NRG1: variants seen among roughly 807,000 people sequenced by gnomAD.
The protein encoded by NRG1 is pro-neuregulin-1, membrane-bound isoform.
In NRG1, 18 loss-of-function variants were observed where a neutral mutation model predicts 63.8. The ratio of observed to expected loss-of-function variants is 0.28; its 90% CI spans 0.19 to 0.42. The LOEUF is 0.42. Ranked by LOEUF, NRG1 falls within the 10% of genes least tolerant of loss-of-function variation. The pLI, the probability that NRG1 is intolerant of heterozygous loss-of-function variation, is 1.00. For synonymous variants in NRG1, 302 were observed against 301.3 expected (o/e 1.00, Z -0.02); for missense variants, 762 against 814.7 (o/e 0.94, Z 0.79).
intron 1 of NRG1, among the ~76,000 whole-genome samples, chr8:31,734,039 C>T (rs531002072): frequency 6.6e-6 from 1 of 152,058 alleles, no homozygotes; most frequent in Non-Finnish European, 1.5e-5. Flanking sequence ...TGTGCCTTAC[C>T]ATCTTTTTAA....
At chr8:32,042,227 T>A (rs1363579233) in intron 1 of NRG1, among the ~76,000 whole-genome samples, 1 of 152,070 alleles carries the variant, frequency 6.6e-6, no homozygotes, top group Admixed American at 6.6e-5. Flanking sequence ...AGAGAATTGC[T>A]TGCGGCCAGG....
At chr8:32,596,101 A>G (rs2129537345) in intron 2 of NRG1, 96 bp downstream of exon 2, 1 of 965,130 alleles carries the variant, frequency 1.0e-6, no homozygotes, top group Non-Finnish European at 1.5e-6. Flanking sequence ...ACTATCAGAA[A>G]CATAATAGAT....
intron 1 of NRG1, among the ~76,000 whole-genome samples, chr8:31,986,800 G>A (rs754270647): frequency 6.6e-6 from 1 of 152,058 alleles, no homozygotes; most frequent in East Asian, 1.9e-4. Flanking sequence ...GTATGCTTCT[G>A]TTATGTTGAG....
rs537083230 is a variant in NRG1 at position 31,940,052 on chromosome 8, T to C, written c.37+300621T>C. Among the ~76,000 whole-genome samples the C allele has an allele frequency of 7.2e-5, 11 of 152,062 alleles. No homozygotes were observed. In the South Asian group the frequency reaches 1.9e-3, roughly 26 times the overall value. On this transcript the variant is annotated intron_variant, in intron 1 of 10. Coordinates refer to the NRG1 transcript ENST00000519301. Reference sequence around the variant, plus strand: ...AAACTCTAGCCTGCAACAAATGAACTTAACAGATATTTATAGAACATTCTA... The same window carrying C: ...AAACTCTAGCCTGCAACAAATGAACCTAACAGATATTTATAGAACATTCTA...
chr8:31,921,522 C>G (rs1833918624), intron 1 of NRG1, among the ~76,000 whole-genome samples: 1 of 151,962 alleles, frequency 6.6e-6, no homozygotes. Context: ...TATTTTACAT[C>G]TGGCAACAGG....
chr8:32,670,398 T>A (rs566609223), intron 5 of NRG1, among the ~76,000 whole-genome samples: 11 of 152,264 alleles, frequency 7.2e-5, no homozygotes, highest in African/African-American at 2.4e-4. Flanking sequence ...CTCTTCTTCA[T>A]TGAGTTTTCC....
intron 1 of NRG1, among the ~76,000 whole-genome samples, chr8:32,559,870 C>A (rs868391570): frequency 3.1e-4 from 46 of 148,326 alleles, no homozygotes; most frequent in African/African-American, 1.0e-3. Context: ...AAAAGAAAAA[C>A]CATTAGCCAG....
At chr8:31,743,126 T>C (rs989887164) in intron 1 of NRG1, among the ~76,000 whole-genome samples, 5 of 151,984 alleles carry the variant, frequency 3.3e-5, no homozygotes, top group African/African-American at 1.2e-4. Context: ...TCTCCATCCA[T>C]TGTAAATGTG....
At chr8:31,733,101 G>A (rs1814269403) in intron 1 of NRG1, among the ~76,000 whole-genome samples, 1 of 151,124 alleles carries the variant, frequency 6.6e-6, no homozygotes, top group African/African-American at 2.4e-5. Context: ...TTAAGACAAT[G>A]GCCTCCAGTT....
intron 1 of NRG1, among the ~76,000 whole-genome samples, chr8:31,855,042 A>G (rs1467853060): frequency 6.6e-6 from 1 of 152,100 alleles, no homozygotes; most frequent in Non-Finnish European, 1.5e-5. Context: ...GTATGTGGTC[A>G]ATTTTGGAAT....
chr8:32,014,607 G>C (rs1489562699), intron 1 of NRG1, among the ~76,000 whole-genome samples: 1 of 151,884 alleles, frequency 6.6e-6, no homozygotes, highest in African/African-American at 2.4e-5. Context: ...TTGTGCATTG[G>C]ATTAGGAAAA....
rs199950277 is a variant in NRG1, at chr8:32,614,464, C to T, written c.401-50C>T. 158 of 1,586,380 alleles carry T rather than the reference C, an allele frequency of 1.0e-4. No homozygotes were observed. The South Asian group carries it at 1.6e-3, about 16-fold the overall frequency. Reference sequence around the variant, plus strand: ...TCCAAGGCAGGCTGTGGTACCTGCTCCCGGCCTCCTGTTTATATATCATAA... The same window carrying T: ...TCCAAGGCAGGCTGTGGTACCTGCTTCCGGCCTCCTGTTTATATATCATAA... On this transcript the variant is annotated intron_variant, in intron 3 of 11. Coordinates refer to ENST00000356819, the Ensembl canonical transcript of NRG1.
At chr8:32,258,428 T>A (rs1157560762) in intron 1 of NRG1, among the ~76,000 whole-genome samples, 1 of 152,206 alleles carries the variant, frequency 6.6e-6, no homozygotes, top group African/African-American at 2.4e-5. Context: ...GTTATCCCCA[T>A]TGCACAGACA....
intron 1 of NRG1, among the ~76,000 whole-genome samples, chr8:32,371,835 G>T (rs7011088): frequency 0.36 from 55,360 of 151,802 alleles, 10,406 homozygotes; most frequent in Non-Finnish European, 0.4. Context: ...GCCCGCTCAG[G>T]CTGCCCCCAG....
intron 1 of NRG1, among the ~76,000 whole-genome samples, chr8:31,883,779 A>G (rs972793825): frequency 6.6e-6 from 1 of 152,114 alleles, no homozygotes. Flanking sequence ...CCTAAATTCT[A>G]TGATGTAAAA....
At chr8:32,185,936 A>T (rs1283294346) in intron 1 of NRG1, among the ~76,000 whole-genome samples, 1 of 152,158 alleles carries the variant, frequency 6.6e-6, no homozygotes, top group Non-Finnish European at 1.5e-5. Context: ...TCCTAAGAAA[A>T]TTCTTCTTCA....
Position 32,364,957 on chromosome 8 carries a change from C to CTTTTTTTTTTTTTTTTTTTT in NRG1, c.38-230852_38-230851insTTTTTTTTTTTTTTTTTTTT, listed in dbSNP as rs372216683. 1.1e-4 allele frequency among the ~76,000 whole-genome samples: 12 copies of CTTTTTTTTTTTTTTTTTTTT among 108,460 alleles called. 1 individual carries two copies. Among genetic ancestry groups the CTTTTTTTTTTTTTTTTTTTT allele is most frequent in the Non-Finnish European group, 2.0e-4 (11 of 55,932 alleles). 71.2% of individuals were successfully genotyped at this position (108,460 alleles called of 152,430 possible). On this transcript the variant is annotated intron_variant, in intron 1 of 10. Transcript: ENST00000519301. The stretch of plus-strand genomic sequence containing the variant: ...TGAATAAAATGTACTCCCTTTACTA[C>CTTTTTTTTTTTTTTTTTTTT]TTTTTTTTTTTTTTTTTTTGAGACA...
At chr8:32,481,365 CAAAT>C (rs1452387014) in intron 1 of NRG1, among the ~76,000 whole-genome samples, 1 of 151,682 alleles carries the variant, frequency 6.6e-6, no homozygotes, top group Non-Finnish European at 1.5e-5. Context: ...AATAAACAAA[CAAAT>C]AAAGGTTGTG....
chr8:32,216,997 G>A (rs1845299661), intron 1 of NRG1, among the ~76,000 whole-genome samples: 1 of 151,950 alleles, frequency 6.6e-6, no homozygotes, highest in Admixed American at 6.6e-5. Flanking sequence ...AGGATCTCTT[G>A]AGATCAGGAG....
Sources: allele counts gnomAD v4.1 joint callset (sites outside exome capture counted in the v4.1 genomes callset), GRCh38; gene constraint gnomAD v4.1.1; transcripts MANE v1.5; gene names NCBI Gene and HGNC (gene_info 2026-07-23, HGNC 2026-07-21).